Variants in SLC4A8 observed in about 807,000 individuals in gnomAD.
SLC4A8 encodes electroneutral sodium bicarbonate exchanger 1.
Under a neutral mutation model 125.0 loss-of-function variants are expected in SLC4A8, and 40 were observed. The ratio of observed to expected loss-of-function variants is 0.32; its 90% CI spans 0.25 to 0.42. SLC4A8 has a LOEUF of 0.42. Ranked by LOEUF, SLC4A8 falls within the 10% of genes least tolerant of loss-of-function variation. SLC4A8 has a pLI of 1.00. For missense variants in SLC4A8, 863 were observed against 1,355.1 expected (o/e 0.64, Z 5.70); for synonymous variants, 456 against 476.0 (o/e 0.96, Z 0.55).
intron 24 of SLC4A8, 95 bp downstream of exon 24, chr12:51,506,025 T>G: frequency 1.5e-6 from 1 of 658,928 alleles, no homozygotes; most frequent in Non-Finnish European, 2.7e-6. Context: ...AAAATGGAAT[T>G]TGTGTAATAA....
At position 51,509,238 on chromosome 12, in the gene SLC4A8, T is replaced by C. The variant is rs767323975; in HGVS notation, c.*1800T>C. The C allele has an allele frequency of 1.3e-5, 2 of 152,620 alleles. No homozygotes were observed. The highest frequency in any genetic ancestry group is 2.4e-5 in the African/African-American group (1 of 41,450). 9.5% of individuals were successfully genotyped at this position (152,620 alleles called of 1,614,324 possible). On this transcript the variant is annotated 3_prime_UTR_variant, in exon 25 of 25. Coordinates refer to ENST00000453097, the MANE Select transcript of SLC4A8 (RefSeq NM_001039960.3). Reference sequence around the variant, plus strand: ...TGTCTCATTTCTATCACAAGGCTGTTTTGGGCACAGCCTTAGCTTCCTTTC... The same window carrying C: ...TGTCTCATTTCTATCACAAGGCTGTCTTGGGCACAGCCTTAGCTTCCTTTC...
At chr12:51,476,285 C>T (rs1333990789) in intron 16 of SLC4A8, among the ~76,000 whole-genome samples, 1 of 152,038 alleles carries the variant, frequency 6.6e-6, no homozygotes, top group African/African-American at 2.4e-5. Context: ...AGTTTGATAC[C>T]AGCCTGGCCA....
At chr12:51,447,163 G>T (rs1949800914) in intron 2 of SLC4A8, among the ~76,000 whole-genome samples, 1 of 151,864 alleles carries the variant, frequency 6.6e-6, no homozygotes, top group African/African-American at 2.4e-5. Context: ...AGCTCATGCA[G>T]CTTTGAACTC....
chr12:51,392,659 CG>C (rs1182209578), intron 1 of SLC4A8: 2 of 152,012 alleles, frequency 1.3e-5, no homozygotes, highest in African/African-American at 4.8e-5. Context: ...GGGTTGGGCC[CG>C]GCGACTTGTG....
At position 51,441,698 on chromosome 12, in the gene SLC4A8, A is replaced by G. The variant is rs146404783; in HGVS notation, c.130+909A>G. Among the ~76,000 whole-genome samples the G allele has an allele frequency of 1.7e-4, 26 of 152,374 alleles. 1 individual carries two copies. In the East Asian group the frequency reaches 5.0e-3, roughly 29 times the overall value. On this transcript the variant is annotated intron_variant, in intron 2 of 24. Transcript: ENST00000453097. ...ACAGCAACTTTCTGATGCCTGAGAC[A>G]GCATGTGAAATGTTCTCTCTGTACT...
In SLC4A8 at chr12:51,450,938, C is replaced by A. The variant is rs776369237; in HGVS notation, c.193C>A (p.Arg65Ser). The A allele has an allele frequency of 1.2e-6, 2 of 1,608,624 alleles. No individual in the cohort carries two copies. Among genetic ancestry groups the A allele is most frequent in the African/African-American group, 1.3e-5 (1 of 74,746 alleles). ...TGGCCGGCAGAGCCATCGGCATCAC[C>A]GCACTCATGGCCAGAAGCACCGGAG... Reference protein sequence around the residue: ...PLGRQSHRHHRTHGQKHRRRG... With the variant: ...PLGRQSHRHHSTHGQKHRRRG... The change falls in exon 3 of 25, where the codon CGC becomes AGC. Residue 65 changes from arginine (R) to serine (S), a missense_variant. Physicochemically the swap from Arg to Ser is moderately radical, Grantham distance 110. Around this residue, in one of 6 missense-constraint regions of SLC4A8, gnomAD observed 104 missense variants for 116.4 expected, o/e 0.89. Coordinates refer to ENST00000453097, the MANE Select transcript of SLC4A8 (RefSeq NM_001039960.3).
intron 1 of SLC4A8, among the ~76,000 whole-genome samples, chr12:51,439,970 G>T (rs1355051612): frequency 6.6e-6 from 1 of 152,196 alleles, no homozygotes; most frequent in African/African-American, 2.4e-5. Flanking sequence ...TCAGACTGCA[G>T]TTGAAATTGT....
chr12:51,512,813 G>A lies in SLC4A8; in HGVS notation c.*5375G>A, dbSNP rs955811517. The A allele has an allele frequency of 2.0e-5, 3 of 152,290 alleles. No individual in the cohort carries two copies. The highest frequency in any genetic ancestry group is 7.2e-5 in the African/African-American group (3 of 41,552). 9.4% of individuals were successfully genotyped at this position (152,290 alleles called of 1,614,324 possible). On this transcript the variant is annotated 3_prime_UTR_variant, in exon 25 of 25. Transcript: ENST00000453097. ...GGGGGTTCCCATCTCAGACTTCTCT[G>A]ATAAGAGTAATTTGAGAACAAATAC...
chr12:51,477,300 A>G (rs1950885679), intron 16 of SLC4A8, among the ~76,000 whole-genome samples: 1 of 152,216 alleles, frequency 6.6e-6, no homozygotes, highest in African/African-American at 2.4e-5. Context: ...AGACCTTTAC[A>G]TTTCACTACA....
upstream of SLC4A8, chr12:51,420,155 T>C (rs1017248475): frequency 6.6e-6 from 1 of 152,190 alleles, no homozygotes; most frequent in Non-Finnish European, 1.5e-5. Flanking sequence ...CCTAATTAAG[T>C]CTTTCCTCAG....
chr12:51,479,557 C>T (rs2138352899), intron 16 of SLC4A8, among the ~76,000 whole-genome samples: 1 of 151,978 alleles, frequency 6.6e-6, no homozygotes, highest in South Asian at 2.1e-4. Context: ...CGTGGTGGTG[C>T]ATGACTGTAA....
chr12:51,469,846 C>T, intron 12 of SLC4A8, 58 bp downstream of exon 12: 1 of 1,538,516 alleles, frequency 6.5e-7, no homozygotes, highest in East Asian at 2.3e-5. Flanking sequence ...ATTGTGGCGG[C>T]AGCCAGGTCC....
intron 24 of SLC4A8, among the ~76,000 whole-genome samples, chr12:51,506,470 T>G (rs921909492): frequency 6.6e-6 from 1 of 152,188 alleles, no homozygotes; most frequent in Non-Finnish European, 1.5e-5. Flanking sequence ...GGTCAGTCTC[T>G]GTCTCCCAGG....
At chr12:51,451,098 T>G in intron 3 of SLC4A8, 76 bp downstream of exon 3, 1 of 1,216,986 alleles carries the variant, frequency 8.2e-7, no homozygotes, top group Non-Finnish European at 1.1e-6. Context: ...GTGACTGACA[T>G]TAGCAGCTGG....
At chr12:51,481,012 G>T (rs1262778453) in intron 16 of SLC4A8, among the ~76,000 whole-genome samples, 1 of 152,118 alleles carries the variant, frequency 6.6e-6, no homozygotes, top group African/African-American at 2.4e-5. Context: ...TTACCTCTCT[G>T]GGCGTTTTTC....
intron 22 of SLC4A8, among the ~76,000 whole-genome samples, chr12:51,502,794 C>T (rs1937964346): frequency 6.6e-6 from 1 of 151,112 alleles, no homozygotes; most frequent in Admixed American, 6.6e-5. Flanking sequence ...CCTCAGCCTT[C>T]CTAGTAGCTG....
intron 2 of SLC4A8, among the ~76,000 whole-genome samples, chr12:51,443,552 A>G (rs1397309789): frequency 6.6e-6 from 1 of 152,128 alleles, no homozygotes; most frequent in Non-Finnish European, 1.5e-5. Flanking sequence ...CAGTTGCTTT[A>G]GTTAGAGGGA....
intron 1 of SLC4A8, among the ~76,000 whole-genome samples, chr12:51,430,541 C>T (rs1005678433): frequency 6.6e-6 from 1 of 152,084 alleles, no homozygotes; most frequent in African/African-American, 2.4e-5. Context: ...AATTGGGGAA[C>T]CTGTGGGCAT....
At chr12:51,498,087 C>A (rs1937651175) in intron 22 of SLC4A8, among the ~76,000 whole-genome samples, 1 of 150,126 alleles carries the variant, frequency 6.7e-6, no homozygotes. Flanking sequence ...CCCCTAATAT[C>A]TTGAACTTTA....
Sources: allele counts gnomAD v4.1 joint callset (sites outside exome capture counted in the v4.1 genomes callset), GRCh38; gene constraint gnomAD v4.1.1; regional missense constraint gnomAD v4.1.1; transcripts MANE v1.5; gene names NCBI Gene and HGNC (gene_info 2026-07-23, HGNC 2026-07-21).